CCDC102B: variants seen among roughly 807,000 people sequenced by gnomAD.
The protein encoded by CCDC102B is coiled-coil domain-containing protein 102B.
Under a neutral mutation model 57.4 loss-of-function variants are expected in CCDC102B, and 75 were observed. That is an observed-to-expected ratio of 1.31 (90% CI 1.08 to 1.58). The LOEUF is 1.58. Ranked by LOEUF, CCDC102B falls within the 40% of genes most tolerant of loss-of-function variation. CCDC102B has a pLI of 0.00. For synonymous variants in CCDC102B, 206 were observed against 201.9 expected, an observed-to-expected ratio of 1.02 and a Z score of -0.17; for missense variants, 636 against 582.6, an observed-to-expected ratio of 1.09 and a Z score of -0.94.
At chr18:68,749,901 G>T (rs1281006442) in intron 2 of CCDC102B, among the ~76,000 whole-genome samples, 1 of 151,990 alleles carries the variant, frequency 6.6e-6, no homozygotes, top group Non-Finnish European at 1.5e-5. Flanking sequence ...CAGCAAAAGC[G>T]ATAGCAACAA....
At position 68,765,370 on chromosome 18, in the gene CCDC102B, AAAG is replaced by A. The variant is rs1400756243; in HGVS notation, c.-67+48779_-67+48781del. Among the ~76,000 whole-genome samples, 148 of 146,938 alleles carry A rather than the reference AAAG, an allele frequency of 1.0e-3. 1 individual carries two copies. Among genetic ancestry groups the A allele is most frequent in the African/African-American group, 3.5e-3 (136 of 38,828 alleles). On this transcript the variant is annotated intron_variant, in intron 2 of 3. Transcript: ENST00000578970. Reference sequence around the variant, plus strand: ...GAAAGAAAGAAAGAAAGAAAGAAAGAAAGAAAGAAAAGAAAGAAAGAAAAGAAA... The same window carrying A: ...GAAAGAAAGAAAGAAAGAAAGAAAGAAAAGAAAAGAAAGAAAGAAAAGAAA...
chr18:68,878,734 T>C (rs1568306870), intron 5 of CCDC102B, among the ~76,000 whole-genome samples: 1 of 152,128 alleles, frequency 6.6e-6, no homozygotes. Context: ...GTTTATAAGC[T>C]ACCCAGGTTA....
chr18:68,756,870 T>C (rs144925952), intron 2 of CCDC102B, among the ~76,000 whole-genome samples: 2,340 of 144,314 alleles, frequency 0.016, 29 homozygotes, highest in Middle Eastern at 0.034. Flanking sequence ...TGGTTTGGAA[T>C]GCTATATCTG....
intron 2 of CCDC102B, among the ~76,000 whole-genome samples, chr18:68,757,371 A>G (rs1166920693): frequency 6.6e-6 from 1 of 152,142 alleles, no homozygotes; most frequent in Non-Finnish European, 1.5e-5. Context: ...CCTTTTGGTA[A>G]TATTATTTCA....
intron 1 of CCDC102B, among the ~76,000 whole-genome samples, chr18:68,836,286 A>G (rs975094710): frequency 6.6e-6 from 1 of 152,204 alleles, no homozygotes; most frequent in Non-Finnish European, 1.5e-5. Flanking sequence ...GATAGTTACA[A>G]GTGTTTAAAT....
At chr18:68,731,050 G>T (rs921678196) in intron 2 of CCDC102B, among the ~76,000 whole-genome samples, 1 of 152,156 alleles carries the variant, frequency 6.6e-6, no homozygotes, top group Non-Finnish European at 1.5e-5. Context: ...GCAATGGCGC[G>T]ATCTTGGCTC....
At chr18:68,854,507 AT>A (rs1568289900) in intron 4 of CCDC102B, among the ~76,000 whole-genome samples, 2 of 152,276 alleles carry the variant, frequency 1.3e-5, no homozygotes, top group East Asian at 3.9e-4. Flanking sequence ...TTTTGCATCT[AT>A]GGAATCAATC....
chr18:68,752,431 GA>G (rs1404516802), intron 2 of CCDC102B, among the ~76,000 whole-genome samples: 127 of 135,102 alleles, frequency 9.4e-4, no homozygotes, highest in Middle Eastern at 3.7e-3. Flanking sequence ...GGGAAAAGGG[GA>G]AAAAAATAAA....
At chr18:68,796,025 T>C (rs887961941), upstream of CCDC102B, among the ~76,000 whole-genome samples, 3 of 152,108 alleles carry the variant, frequency 2.0e-5, no homozygotes, top group Non-Finnish European at 2.9e-5. Context: ...GAAAAGCCAA[T>C]GTATTATGAA....
chr18:68,840,764 C>A (rs1246434306), intron 3 of CCDC102B, among the ~76,000 whole-genome samples: 2 of 152,158 alleles, frequency 1.3e-5, no homozygotes, highest in Non-Finnish European at 2.9e-5. Flanking sequence ...CTGTGTTTTT[C>A]TAGATGTAAA....
intron 1 of CCDC102B, among the ~76,000 whole-genome samples, chr18:68,807,295 G>A (rs1251808453): frequency 6.6e-6 from 1 of 151,938 alleles, no homozygotes; most frequent in African/African-American, 2.4e-5. Context: ...TGAAAATCAG[G>A]CAATGATAAA....
At chr18:68,807,415 A>G (rs1229227280) in intron 1 of CCDC102B, among the ~76,000 whole-genome samples, 1 of 152,154 alleles carries the variant, frequency 6.6e-6, no homozygotes, top group Non-Finnish European at 1.5e-5. Context: ...TTTAAGAAAA[A>G]CAAGGAAAAA....
intron 6 of CCDC102B, among the ~76,000 whole-genome samples, chr18:68,917,921 C>G (rs2041133805): frequency 6.6e-6 from 1 of 152,036 alleles, no homozygotes; most frequent in Non-Finnish European, 1.5e-5. Flanking sequence ...AGAAAAAGGA[C>G]AATGTGCTAC....
At chr18:69,049,606 C>T (rs1266674456) in intron 7 of CCDC102B, among the ~76,000 whole-genome samples, 1 of 152,010 alleles carries the variant, frequency 6.6e-6, no homozygotes, top group African/African-American at 2.4e-5. Flanking sequence ...CCCATGGAAG[C>T]CCCAGTAAGG....
rs545037860 is a variant in CCDC102B, at chr18:68,985,845, A to G, written c.1264-25089A>G. Among the ~76,000 whole-genome samples the G allele has an allele frequency of 1.0e-3, 153 of 152,284 alleles. 1 individual carries two copies. Among genetic ancestry groups the G allele is most frequent in the African/African-American group, 3.5e-3 (144 of 41,552 alleles). On this transcript the variant is annotated intron_variant, in intron 6 of 7. Coordinates refer to ENST00000360242, the MANE Select transcript of CCDC102B (RefSeq NM_024781.3). ...GGGAAATTGATTTCTGTGCAATGAAACAGAGTGGAGAAGGGGAAGGAATAG... is the reference window on the plus strand; with the variant it reads ...GGGAAATTGATTTCTGTGCAATGAAGCAGAGTGGAGAAGGGGAAGGAATAG...
chr18:69,050,306 G>T (rs1238686220), intron 7 of CCDC102B, among the ~76,000 whole-genome samples: 1 of 152,142 alleles, frequency 6.6e-6, no homozygotes, highest in African/African-American at 2.4e-5. Context: ...AAAACCTTCT[G>T]AATCTATCAT....
intron 2 of CCDC102B, among the ~76,000 whole-genome samples, chr18:68,760,191 C>G (rs540450359): frequency 6.6e-6 from 1 of 152,032 alleles, no homozygotes; most frequent in African/African-American, 2.4e-5. Flanking sequence ...ACATGAATTA[C>G]CTTCTTAAAA....
At chr18:68,726,404 G>T (rs1002526065) in intron 2 of CCDC102B, among the ~76,000 whole-genome samples, 2 of 152,300 alleles carry the variant, frequency 1.3e-5, no homozygotes, top group East Asian at 1.9e-4. Flanking sequence ...AGGCGTGTTT[G>T]TGTCTACACA....
chr18:68,828,595 G>A (rs1427825020), intron 1 of CCDC102B, among the ~76,000 whole-genome samples: 1 of 151,390 alleles, frequency 6.6e-6, no homozygotes, highest in African/African-American at 2.4e-5. Context: ...GTGCAGAGAA[G>A]AAAGATCATG....
Sources: gnomAD v4.1 joint callset for allele counts (sites outside exome capture counted in the v4.1 genomes callset) on GRCh38, gnomAD v4.1.1 for gene constraint, MANE v1.5 for transcripts, NCBI Gene and HGNC (gene_info 2026-07-23, HGNC 2026-07-21) for gene names.